MTA3: variants seen among roughly 807,000 people sequenced by gnomAD.
The protein encoded by MTA3 is metastasis-associated protein MTA3.
A neutral mutation model predicts 83.5 loss-of-function variants in MTA3; 34 were observed. The observed-to-expected ratio is 0.41, with a 90% CI of 0.31 to 0.54. The LOEUF (loss-of-function observed/expected upper bound fraction) is 0.54, where lower values mean the gene tolerates loss of function less well. MTA3 is among the 20% of genes least tolerant of loss of function. The pLI, the probability that MTA3 is intolerant of heterozygous loss-of-function variation, is 0.33. For missense variants in MTA3, 761 were observed against 726.4 expected (o/e 1.05, Z -0.55); for synonymous variants, 303 against 252.7 (o/e 1.20, Z -1.89).
At chr2:42,728,664 A>T (rs1573781590) in intron 16 of MTA3, among the ~76,000 whole-genome samples, 1 of 152,190 alleles carries the variant, frequency 6.6e-6, no homozygotes, top group Non-Finnish European at 1.5e-5. Context: ...CTGGGGCTAA[A>T]TGATACCTCA....
intron 6 of MTA3, among the ~76,000 whole-genome samples, chr2:42,651,460 A>G (rs537703777): frequency 8.7e-4 from 132 of 152,300 alleles, no homozygotes; most frequent in South Asian, 1.4e-3. Flanking sequence ...AGATGATGGA[A>G]GTTTTTAATA....
At chr2:42,645,726 G>C (rs1292879324) in intron 6 of MTA3, among the ~76,000 whole-genome samples, 2 of 152,084 alleles carry the variant, frequency 1.3e-5, no homozygotes, top group Non-Finnish European at 2.9e-5. Context: ...TGGAGAAGAA[G>C]AATTTGAAGC....
At chr2:42,714,944 T>C (rs1666921760) in intron 14 of MTA3, among the ~76,000 whole-genome samples, 1 of 152,186 alleles carries the variant, frequency 6.6e-6, no homozygotes, top group Non-Finnish European at 1.5e-5. Flanking sequence ...TTGCTACCAC[T>C]AGTACTGGTC....
intron 16 of MTA3, among the ~76,000 whole-genome samples, chr2:42,739,202 C>G (rs1386578962): frequency 6.6e-6 from 1 of 152,040 alleles, no homozygotes; most frequent in African/African-American, 2.4e-5. Flanking sequence ...CCCCAGATGC[C>G]CAGCTTTAAA....
intron 4 of MTA3, among the ~76,000 whole-genome samples, chr2:42,624,004 C>T (rs372757579): frequency 2.6e-5 from 4 of 151,938 alleles, no homozygotes; most frequent in Admixed American, 2.0e-4. Context: ...TGAGCCACTT[C>T]GCCCGGTCTG....
intron 4 of MTA3, among the ~76,000 whole-genome samples, chr2:42,623,040 G>T (rs1204281399): frequency 6.6e-6 from 1 of 152,216 alleles, no homozygotes; most frequent in Non-Finnish European, 1.5e-5. Flanking sequence ...CCATGGTAAT[G>T]TAATGAGGAA....
chr2:42,665,817 A>G (rs1276840230), intron 8 of MTA3, among the ~76,000 whole-genome samples: 2 of 152,208 alleles, frequency 1.3e-5, no homozygotes, highest in African/African-American at 2.4e-5. Context: ...ACAAAACAAT[A>G]CATTGTATAA....
At chr2:42,646,231 C>T (rs4953530) in intron 6 of MTA3, among the ~76,000 whole-genome samples, 116,278 of 152,190 alleles carry the variant, frequency 0.76, 44,922 homozygotes, top group South Asian at 0.88. Flanking sequence ...ATAATGCTCC[C>T]CTTCACCCAA....
intron 3 of MTA3, among the ~76,000 whole-genome samples, chr2:42,606,235 C>T (rs1390159081): frequency 9.1e-5 from 13 of 142,728 alleles, no homozygotes; most frequent in South Asian, 2.3e-4. Flanking sequence ...GGGTGGCTGC[C>T]GGGCGGAGAC....
At chr2:42,587,162 C>T (rs907057447) in intron 3 of MTA3, among the ~76,000 whole-genome samples, 2 of 151,948 alleles carry the variant, frequency 1.3e-5, no homozygotes, top group African/African-American at 4.8e-5. Flanking sequence ...CACTGCACTC[C>T]AGCCTGGGTG....
chr2:42,739,172 C>T (rs958554475), intron 16 of MTA3, among the ~76,000 whole-genome samples: 1 of 152,116 alleles, frequency 6.6e-6, no homozygotes, highest in African/African-American at 2.4e-5. Flanking sequence ...ATCACAGATC[C>T]TACCAACGTG....
chr2:42,726,293 TTCAGTGGCTTG>T (rs1310298864), intron 16 of MTA3, among the ~76,000 whole-genome samples: 2 of 152,024 alleles, frequency 1.3e-5, no homozygotes, highest in African/African-American at 4.8e-5. Flanking sequence ...GCCTGCCCCC[TTCAGTGGCTTG>T]CCTCCTCCAC....
intron 2 of MTA3, among the ~76,000 whole-genome samples, chr2:42,525,099 C>A (rs1241713689): frequency 1.4e-5 from 2 of 138,804 alleles, no homozygotes; most frequent in Non-Finnish European, 3.1e-5. Context: ...CTAATGCTAT[C>A]CCTCCCCCCT....
Position 42,722,821 on chromosome 2 carries a change from G to C in MTA3, c.1613-68G>C, listed in dbSNP as rs374846689. 31 of 1,509,228 alleles carry C rather than the reference G, an allele frequency of 2.1e-5. No homozygotes were observed. In the East Asian group the frequency reaches 7.4e-4, roughly 36 times the overall value. The allele number at this position is 1,509,228 out of a possible 1,614,324, so 93.5% of individuals were successfully genotyped here. Reference sequence around the variant, plus strand: ...TAAGAAATAAGATGTGTGCCTATTAGCCAATGTAAATGCACACAGATTTTT... The same window carrying C: ...TAAGAAATAAGATGTGTGCCTATTACCCAATGTAAATGCACACAGATTTTT... On this transcript the variant is annotated intron_variant, in intron 15 of 16. Coordinates refer to ENST00000405094, the MANE Select transcript of MTA3 (RefSeq NM_001330442.2).
At chr2:42,555,413 C>G (rs1677330758) in intron 2 of MTA3, among the ~76,000 whole-genome samples, 1 of 127,100 alleles carries the variant, frequency 7.9e-6, no homozygotes, top group African/African-American at 3.1e-5. Flanking sequence ...TGAGATTGCA[C>G]CATTGCACTC....
chr2:42,716,620 T>G (rs535168124), intron 14 of MTA3, among the ~76,000 whole-genome samples: 1 of 152,218 alleles, frequency 6.6e-6, no homozygotes, highest in Admixed American at 6.5e-5. Flanking sequence ...CTAAGGATAG[T>G]GGCCTCCAGC....
At chr2:42,701,010 A>G (rs1447439155) in intron 11 of MTA3, among the ~76,000 whole-genome samples, 2 of 152,152 alleles carry the variant, frequency 1.3e-5, no homozygotes, top group Non-Finnish European at 2.9e-5. Flanking sequence ...AGGTAGGAGG[A>G]TTGCTTGAAC....
At chr2:42,643,982 C>A in intron 5 of MTA3, 145 bp from the exon 6 acceptor site, 1 of 507,984 alleles carries the variant, frequency 2.0e-6, no homozygotes, top group Non-Finnish European at 3.4e-6. Context: ...CCATGCTCTC[C>A]TTAAAGATTT....
chr2:42,562,208 T>A (rs567155901), intron 2 of MTA3, among the ~76,000 whole-genome samples: 1 of 152,280 alleles, frequency 6.6e-6, no homozygotes, highest in East Asian at 1.9e-4. Flanking sequence ...GATAATCTCA[T>A]CTTGAGATCT....
Sources: gnomAD v4.1 joint callset for allele counts (sites outside exome capture counted in the v4.1 genomes callset) on GRCh38, gnomAD v4.1.1 for gene constraint, MANE v1.5 for transcripts, NCBI Gene and HGNC (gene_info 2026-07-23, HGNC 2026-07-21) for gene names.